CLCN5: variants seen among roughly 807,000 people sequenced by gnomAD.
CLCN5 encodes the protein Cl-/H+ antiporter 5.
In CLCN5, 17 loss-of-function variants were observed where a neutral mutation model predicts 54.0. That is an observed-to-expected ratio of 0.31 (90% CI 0.22 to 0.47). The LOEUF (loss-of-function observed/expected upper bound fraction) is 0.47. CLCN5 is among the 20% of genes least tolerant of loss of function. The probability of loss-of-function intolerance (pLI) is 1.00; values close to 1 mark genes in which losing one functional copy is unlikely to be tolerated. For synonymous variants in CLCN5, 222 were observed against 233.0 expected (o/e 0.95, Z 0.43); for missense variants, 448 against 646.7 (o/e 0.69, Z 3.33).
rs1383528198 is a variant in CLCN5 at position 49,925,350 on chromosome X, TC to T, written c.16+38del. 6 of 1,179,813 alleles carry T rather than the reference TC, an allele frequency of 5.1e-6. No homozygotes were observed. The East Asian group carries it at 1.8e-4, about 35-fold the overall frequency. On this transcript the variant is annotated intron_variant, in intron 3 of 14. Transcript: ENST00000376091. ...AGCACTTATTCTTCTAACTGGTTTT[TC>T]CTCCTACTCTATTCTCTACCCTCAC...
intron 3 of CLCN5, among the ~76,000 whole-genome samples, chrX:49,948,957 A>G (rs782133901): frequency 7.1e-5 from 8 of 112,518 alleles, no homozygotes; most frequent in Middle Eastern, 4.7e-3. Context: ...TTGCAAAAGT[A>G]TATTCTACTA....
intron 3 of CLCN5, among the ~76,000 whole-genome samples, chrX:49,983,294 A>G (rs901127793): frequency 5.4e-5 from 6 of 112,078 alleles, no homozygotes; most frequent in African/African-American, 1.9e-4. Flanking sequence ...CAGTTTGAGT[A>G]TCTTCATTAT....
chrX:50,049,356 T>C (rs1299372532), intron 4 of CLCN5, among the ~76,000 whole-genome samples: 1 of 111,842 alleles, frequency 8.9e-6, no homozygotes, highest in Admixed American at 9.5e-5. Flanking sequence ...AGGTGTGTAG[T>C]AGGCTAGACC....
At chrX:49,966,596 TTTTTTTTTTTTTTTTATTTTTTTA>T (rs1271567571) in intron 3 of CLCN5, among the ~76,000 whole-genome samples, 4 of 12,813 alleles carry the variant, frequency 3.1e-4, no homozygotes, top group East Asian at 2.1e-3. Flanking sequence ...GATCTTTTTT[TTTTTTTTTTTTTTTTATTTTTTTA>T]TTTTTTTTAT....
At position 50,000,203 on chromosome X, in the gene CLCN5, A is replaced by G. The variant is rs139231632; in HGVS notation, c.17-42113A>G. On this transcript the variant is annotated intron_variant, in intron 3 of 14. Coordinates refer to ENST00000376091, the MANE Select transcript of CLCN5 (RefSeq NM_001127898.4). Reference sequence around the variant, plus strand: ...CTCTTTCTTTCTCTCATGTGCATACACTCATGATATGCATGTAAGGGAGAC... The same window carrying G: ...CTCTTTCTTTCTCTCATGTGCATACGCTCATGATATGCATGTAAGGGAGAC... Among the ~76,000 whole-genome samples the G allele has an allele frequency of 6.4e-5, 7 of 110,046 alleles. No individual in the cohort carries two copies. In the East Asian group the frequency reaches 2.0e-3, roughly 32 times the overall value.
chrX:49,964,626 T>C (rs1232250421), intron 3 of CLCN5, among the ~76,000 whole-genome samples: 1 of 111,776 alleles, frequency 8.9e-6, no homozygotes, highest in Non-Finnish European at 1.9e-5. Context: ...GGATTTATCA[T>C]GCCCTCTGAA....
chrX:50,075,962 C>T lies in CLCN5; in HGVS notation c.583C>T (p.Leu195Phe). Residue 195 changes from leucine (L) to phenylalanine (F), a missense_variant, in exon 7 of 15, where the codon CTT becomes TTT. Around this residue, in one of 5 missense-constraint regions of CLCN5, gnomAD observed 40 missense variants for 27.8 expected, o/e 1.44. Transcript: ENST00000376091. The stretch of plus-strand genomic sequence containing the variant: ...TCCAGAGTGGAATAGTTGGTCCCAG[C>T]TTATCATCAGCACAGATGAGGTAAC... Reference protein sequence around the residue: ...KCPEWNSWSQLIISTDEGAFA... With the variant: ...KCPEWNSWSQFIISTDEGAFA... 8.3e-7 allele frequency: 1 copy of T among 1,209,809 alleles called. No individual in the cohort carries two copies. Among genetic ancestry groups the T allele is most frequent in the Non-Finnish European group, 1.1e-6 (1 of 893,486 alleles).
intron 3 of CLCN5, among the ~76,000 whole-genome samples, chrX:49,960,116 T>C (rs1276460816): frequency 2.7e-5 from 3 of 110,832 alleles, no homozygotes; most frequent in African/African-American, 9.8e-5. Flanking sequence ...TCTATGTTCT[T>C]TCCCACCCAG....
chrX:49,938,660 A>C (rs1177126346), intron 3 of CLCN5, among the ~76,000 whole-genome samples: 1 of 112,342 alleles, frequency 8.9e-6, no homozygotes, highest in Non-Finnish European at 1.9e-5. Context: ...AAAGACTTAC[A>C]TGTTAGACCT....
chrX:49,963,216 C>T (rs782197071), intron 3 of CLCN5, among the ~76,000 whole-genome samples: 1 of 111,657 alleles, frequency 9.0e-6, no homozygotes, highest in Non-Finnish European at 1.9e-5. Context: ...AGAAATTTTA[C>T]ATTTGTTCTC....
intron 3 of CLCN5, among the ~76,000 whole-genome samples, chrX:49,942,175 G>C: frequency 0.013 from 1 of 77 alleles, no homozygotes; most frequent in Non-Finnish European, 0.024. Flanking sequence ...TGGCATTCTT[G>C]TTGAATTAAT....
At position 49,977,941 on chromosome X, in the gene CLCN5, A is replaced by C. The variant is rs1928559443; in HGVS notation, c.16+52627A>C. Among the ~76,000 whole-genome samples the C allele has an allele frequency of 2.7e-5, 3 of 111,774 alleles. No homozygotes were observed. In the South Asian group the frequency reaches 1.1e-3, roughly 42 times the overall value. On this transcript the variant is annotated intron_variant, in intron 3 of 14. Transcript: ENST00000376091. ...CACCTGGGAGAGAGACAGGGCGCAA[A>C]AGGGTCTTTTGTGGCCACAGGCAAA...
rs1010203702 is a variant in CLCN5, at chrX:49,922,736, A to G, written c.-261A>G. The G allele has an allele frequency of 2.7e-5, 3 of 112,955 alleles. No individual in the cohort carries two copies. Among genetic ancestry groups the G allele is most frequent in the Admixed American group, 9.2e-5 (1 of 10,877 alleles). The allele number at this position is 112,955 out of a possible 1,213,427, so 9.3% of individuals were successfully genotyped here. A position where few individuals can be genotyped will look rare whatever the true frequency, so the allele number is the denominator to read the frequency against. On this transcript the variant is annotated 5_prime_UTR_variant, in exon 1 of 15. Transcript: ENST00000376091. Reference sequence around the variant, plus strand: ...GTGTCCTGGACGCCAGAGCCGACCGAGCGCGCTGCCCACCGGCGGCGGACA... The same window carrying G: ...GTGTCCTGGACGCCAGAGCCGACCGGGCGCGCTGCCCACCGGCGGCGGACA...
intron 4 of CLCN5, among the ~76,000 whole-genome samples, chrX:50,060,308 C>T (rs1232351436): frequency 2.7e-5 from 3 of 110,411 alleles, no homozygotes; most frequent in African/African-American, 6.6e-5. Flanking sequence ...GCGCACCGTG[C>T]GCGAGCTGAA....
chrX:50,025,441 G>GCGT (rs1931319032), intron 3 of CLCN5, among the ~76,000 whole-genome samples: 1 of 105,486 alleles, frequency 9.5e-6, no homozygotes, highest in Non-Finnish European at 1.9e-5. Context: ...CCCGTCTTCT[G>GCGT]CGTCGCTCAC....
chrX:49,979,434 A>G (rs1557177390), intron 3 of CLCN5, among the ~76,000 whole-genome samples: 2 of 111,919 alleles, frequency 1.8e-5, no homozygotes, highest in African/African-American at 3.2e-5. Context: ...GAACTTGTCT[A>G]TAAGTCTCGT....
chrX:49,968,814 A>G (rs1928043741), intron 3 of CLCN5, among the ~76,000 whole-genome samples: 2 of 69,464 alleles, frequency 2.9e-5, no homozygotes, highest in Non-Finnish European at 4.6e-5. Context: ...AAAATTGACA[A>G]ATGGGATCTA....
chrX:49,962,776 C>T (rs1443213022), intron 3 of CLCN5, among the ~76,000 whole-genome samples: 1 of 111,818 alleles, frequency 8.9e-6, no homozygotes, highest in African/African-American at 3.3e-5. Context: ...TAATTTCAAG[C>T]CTGGCCCGGT....
At chrX:50,033,806 C>T (rs934991679) in intron 3 of CLCN5, among the ~76,000 whole-genome samples, 4 of 111,636 alleles carry the variant, frequency 3.6e-5, no homozygotes, top group African/African-American at 1.3e-4. Flanking sequence ...TAGATGTTAT[C>T]GATATAAATA....
Sources: allele counts gnomAD v4.1 joint callset (sites outside exome capture counted in the v4.1 genomes callset), GRCh38; gene constraint gnomAD v4.1.1; regional missense constraint gnomAD v4.1.1; transcripts MANE v1.5; gene names NCBI Gene and HGNC (gene_info 2026-07-23, HGNC 2026-07-21).